BCL2: variants seen among roughly 807,000 people sequenced by gnomAD.
BCL2 encodes apoptosis regulator Bcl-2.
In BCL2, 1 loss-of-function variant was observed where a neutral mutation model predicts 14.2. That is an observed-to-expected ratio of 0.07 (90% CI 0.02 to 0.33). BCL2 has a LOEUF of 0.33. BCL2 is among the 10% of genes least tolerant of loss of function. The pLI is 0.99. For synonymous variants in BCL2, 151 were observed against 137.2 expected (o/e 1.10, Z -0.70); for missense variants, 247 against 305.9 (o/e 0.81, Z 1.44).
intron 2 of BCL2, among the ~76,000 whole-genome samples, chr18:63,205,605 A>C (rs181492678): frequency 1.5e-3 from 233 of 152,318 alleles, no homozygotes; most frequent in African/African-American, 5.1e-3. Flanking sequence ...AGTATATACA[A>C]AAGCTAAATT....
intron 2 of BCL2, among the ~76,000 whole-genome samples, chr18:63,258,447 G>A (rs1455737381): frequency 6.6e-6 from 1 of 152,196 alleles, no homozygotes; most frequent in Non-Finnish European, 1.5e-5. Flanking sequence ...ACAGGACCCA[G>A]GCAGGGCTGT....
intron 2 of BCL2, among the ~76,000 whole-genome samples, chr18:63,312,721 A>G (rs761077299): frequency 1.3e-5 from 2 of 152,168 alleles, no homozygotes; most frequent in Non-Finnish European, 2.9e-5. Context: ...CTGGTTCAAA[A>G]CCTACTTGTA....
intron 2 of BCL2, among the ~76,000 whole-genome samples, chr18:63,238,668 CAG>C (rs1265522122): frequency 6.6e-6 from 1 of 152,172 alleles, no homozygotes; most frequent in Non-Finnish European, 1.5e-5. Flanking sequence ...AAGGAGTGTG[CAG>C]AGTCTATGTT....
intron 2 of BCL2, among the ~76,000 whole-genome samples, chr18:63,268,068 G>A (rs1911887688): frequency 6.6e-6 from 1 of 152,180 alleles, no homozygotes; most frequent in African/African-American, 2.4e-5. Flanking sequence ...TTTCACGCAT[G>A]GCGGAAGCCA....
At position 63,318,667 on chromosome 18, in the gene BCL2, C is replaced by T. The variant is rs193014588; in HGVS notation, c.-1G>A. On this transcript the variant is annotated 5_prime_UTR_variant, in exon 2 of 3. Transcript: ENST00000333681. This position sits in a 1 kb window ranked among gnomAD's most constrained non-coding sequence, Gnocchi z 7.4. ...ACCCTGTTCTCCCAGCGTGCGCCAT[C>T]CTTCCCAGAGGAAAAGCAACGGGGG... 13 of 1,612,818 alleles carry T rather than the reference C, an allele frequency of 8.1e-6. No individual in the cohort carries two copies. The highest frequency in any genetic ancestry group is 7.7e-5 in the South Asian group (7 of 91,074).
chr18:63,291,024 T>C (rs1390022966), intron 2 of BCL2, among the ~76,000 whole-genome samples: 2 of 152,022 alleles, frequency 1.3e-5, no homozygotes, highest in Non-Finnish European at 2.9e-5. Flanking sequence ...CTTCCTACCT[T>C]AGCATGGAAC....
chr18:63,143,592 G>T (rs753005571), intron 2 of BCL2, among the ~76,000 whole-genome samples: 1 of 152,278 alleles, frequency 6.6e-6, no homozygotes, highest in Non-Finnish European at 1.5e-5. Context: ...GAGCCTGGGG[G>T]ACCCTGCCTG....
At chr18:63,128,871 A>C in intron 2 of BCL2, 112 bp from the exon 3 acceptor site, 1 of 624,956 alleles carries the variant, frequency 1.6e-6, no homozygotes, top group Admixed American at 2.6e-5. Context: ...GCACCTTCAG[A>C]AGGGTGAGAG....
intron 2 of BCL2, among the ~76,000 whole-genome samples, chr18:63,141,044 AG>A (rs1452484609): frequency 6.6e-6 from 1 of 152,044 alleles, no homozygotes; most frequent in African/African-American, 2.4e-5. Flanking sequence ...ATGAGAAGTT[AG>A]GGGTCGGATG....
intron 2 of BCL2, among the ~76,000 whole-genome samples, chr18:63,216,027 C>A (rs1599250589): frequency 6.6e-6 from 1 of 152,082 alleles, no homozygotes; most frequent in East Asian, 1.9e-4. Context: ...TAATTTAGAA[C>A]CTGACTAGGA....
intron 2 of BCL2, among the ~76,000 whole-genome samples, chr18:63,145,220 A>G (rs1311567276): frequency 6.6e-6 from 1 of 152,252 alleles, no homozygotes; most frequent in East Asian, 1.9e-4. Context: ...CTGGATTTTG[A>G]TCCTTTCAAG....
intron 2 of BCL2, among the ~76,000 whole-genome samples, chr18:63,169,198 C>A (rs1352138871): frequency 1.3e-5 from 2 of 151,868 alleles, no homozygotes; most frequent in East Asian, 3.9e-4. Flanking sequence ...AAACAACAGG[C>A]CCTTGTTTTC....
chr18:63,274,585 G>T (rs959636685), intron 2 of BCL2, among the ~76,000 whole-genome samples: 1 of 151,972 alleles, frequency 6.6e-6, no homozygotes, highest in Non-Finnish European at 1.5e-5. Context: ...ATATGCAGCC[G>T]ATTTTATAAT....
chr18:63,150,422 T>A (rs1026060859), intron 2 of BCL2, among the ~76,000 whole-genome samples: 1 of 152,266 alleles, frequency 6.6e-6, no homozygotes, highest in Non-Finnish European at 1.5e-5. Context: ...AAAATCACTT[T>A]CCTGCCCAAC....
chr18:63,235,735 G>A (rs1181106950), intron 2 of BCL2, among the ~76,000 whole-genome samples: 1 of 151,680 alleles, frequency 6.6e-6, no homozygotes, highest in Admixed American at 6.6e-5. Context: ...AGTGGTGAAT[G>A]CACATTTATA....
chr18:63,264,272 G>A (rs569196917), intron 2 of BCL2, among the ~76,000 whole-genome samples: 5 of 152,160 alleles, frequency 3.3e-5, no homozygotes, highest in African/African-American at 1.2e-4. Context: ...CATGCTCCCT[G>A]CCTGTGCCCT....
chr18:63,287,269 C>T (rs1912502815), intron 2 of BCL2, among the ~76,000 whole-genome samples: 1 of 152,194 alleles, frequency 6.6e-6, no homozygotes, highest in Non-Finnish European at 1.5e-5. Flanking sequence ...TTATTTTATA[C>T]TCTGGCTGGG....
chr18:63,309,650 C>T (rs769860712), intron 2 of BCL2, among the ~76,000 whole-genome samples: 6 of 152,130 alleles, frequency 3.9e-5, no homozygotes, highest in Non-Finnish European at 5.9e-5. Context: ...CTTCCTCCCA[C>T]GCACACATCC....
chr18:63,129,292 C>CTTT (rs71160900), intron 2 of BCL2, among the ~76,000 whole-genome samples: 4 of 145,194 alleles, frequency 2.8e-5, no homozygotes, highest in South Asian at 2.2e-4. Context: ...CTTTTTCTTT[C>CTTT]TTTTTTTTTT....
Sources: allele counts gnomAD v4.1 joint callset (sites outside exome capture counted in the v4.1 genomes callset), GRCh38; gene constraint gnomAD v4.1.1; non-coding constraint Gnocchi (gnomAD v3.1); transcripts MANE v1.5; gene names NCBI Gene and HGNC (gene_info 2026-07-23, HGNC 2026-07-21).